NKAIN3: variants seen among roughly 807,000 people sequenced by gnomAD.
NKAIN3 encodes the protein sodium/potassium transporting ATPase interacting 3, also known as sodium/potassium-transporting ATPase subunit beta-1-interacting protein 3.
NKAIN3 carries 25 observed loss-of-function variants against 30.2 expected under a neutral mutation model. The observed-to-expected ratio is 0.83, with a 90% CI of 0.60 to 1.16. NKAIN3 has a LOEUF of 1.16. Ranked by LOEUF, NKAIN3 falls within the 50% of genes most tolerant of loss-of-function variation. The pLI is 0.00. For missense variants in NKAIN3, 225 were observed against 254.1 expected (o/e 0.89, Z 0.78); for synonymous variants, 91 against 89.6 (o/e 1.02, Z -0.09).
intron 1 of NKAIN3, among the ~76,000 whole-genome samples, chr8:62,380,199 A>C (rs1490031405): frequency 6.6e-6 from 1 of 152,236 alleles, no homozygotes; most frequent in African/African-American, 2.4e-5. Flanking sequence ...CTTTACTACA[A>C]GCTAGGATCC....
At chr8:62,419,538 G>T (rs1272085639) in intron 1 of NKAIN3, among the ~76,000 whole-genome samples, 1 of 152,186 alleles carries the variant, frequency 6.6e-6, no homozygotes, top group African/African-American at 2.4e-5. Context: ...TGCTGTCATA[G>T]AGAGGGCTCA....
chr8:62,922,598 G>C (rs2130862313), intron 5 of NKAIN3, among the ~76,000 whole-genome samples: 1 of 152,286 alleles, frequency 6.6e-6, no homozygotes, highest in East Asian at 1.9e-4. Context: ...ATTTGAAGGT[G>C]AGAGCAGAGG....
intron 1 of NKAIN3, among the ~76,000 whole-genome samples, chr8:62,379,642 C>G (rs1414540846): frequency 6.6e-6 from 1 of 152,124 alleles, no homozygotes; most frequent in Non-Finnish European, 1.5e-5. Context: ...TCTCTTCTGC[C>G]ATCCTGTAAA....
intron 1 of NKAIN3, among the ~76,000 whole-genome samples, chr8:62,540,794 G>A (rs1048204338): frequency 6.6e-6 from 1 of 150,804 alleles, no homozygotes; most frequent in African/African-American, 2.4e-5. Flanking sequence ...TGCATTTTTG[G>A]TTCACTCTTT....
intron 4 of NKAIN3, among the ~76,000 whole-genome samples, chr8:62,857,470 T>C (rs1433189976): frequency 6.6e-6 from 1 of 152,192 alleles, no homozygotes; most frequent in African/African-American, 2.4e-5. Flanking sequence ...TCCCTGTCTC[T>C]TTCACGTACC....
At position 62,768,115 on chromosome 8, in the gene NKAIN3, G is replaced by A. The variant is rs144380545; in HGVS notation, c.471+20986G>A. On this transcript the variant is annotated intron_variant, in intron 4 of 6. Transcript: ENST00000623646. The stretch of plus-strand genomic sequence containing the variant: ...CAGCTAATTAACCCTCTGGGCAGGC[G>A]CATCCATCATTGGACTGTTCTAAGT... Among the ~76,000 whole-genome samples the A allele has an allele frequency of 4.7e-3, 709 of 152,176 alleles. 7 individuals are homozygous for A. Among genetic ancestry groups the A allele is most frequent in the African/African-American group, 0.016 (674 of 41,522 alleles).
intron 4 of NKAIN3, among the ~76,000 whole-genome samples, chr8:62,776,577 C>T (rs993955492): frequency 6.6e-6 from 1 of 152,042 alleles, no homozygotes; most frequent in African/African-American, 2.4e-5. Flanking sequence ...AAAGAGAAAA[C>T]CAATAACAGC....
chr8:62,794,257 C>T (rs1426384901), intron 4 of NKAIN3, among the ~76,000 whole-genome samples: 2 of 152,138 alleles, frequency 1.3e-5, no homozygotes, highest in African/African-American at 2.4e-5. Context: ...ATTTTTTTAA[C>T]ATGTCCAGAT....
chr8:62,849,425 A>G (rs540726499), intron 4 of NKAIN3, among the ~76,000 whole-genome samples: 1 of 151,190 alleles, frequency 6.6e-6, no homozygotes. Context: ...CCAGGAATGT[A>G]TCCATTTCCT....
At chr8:62,323,260 C>G (rs1006506186) in intron 1 of NKAIN3, among the ~76,000 whole-genome samples, 19 of 152,044 alleles carry the variant, frequency 1.2e-4, no homozygotes, top group Non-Finnish European at 7.4e-5. Flanking sequence ...TCATAATTGC[C>G]AAAACTTAGA....
At chr8:62,599,656 G>A (rs1810933675) in intron 3 of NKAIN3, among the ~76,000 whole-genome samples, 1 of 152,062 alleles carries the variant, frequency 6.6e-6, no homozygotes, top group Non-Finnish European at 1.5e-5. Context: ...TTGTAGGACT[G>A]AGTGACTCGT....
rs575242825 is a variant in NKAIN3, at chr8:62,597,916, G to A, written c.273+8122G>A. 1.4e-3 allele frequency among the ~76,000 whole-genome samples: 206 copies of A among 151,668 alleles called. 1 individual carries two copies. Among genetic ancestry groups the A allele is most frequent in the African/African-American group, 4.7e-3 (193 of 41,374 alleles). Reference sequence around the variant, plus strand: ...TTCATTATGTTTAACTTTTAATTTAGGAAAGATTGAGAAAAATTTATGTTA... The same window carrying A: ...TTCATTATGTTTAACTTTTAATTTAAGAAAGATTGAGAAAAATTTATGTTA... On this transcript the variant is annotated intron_variant, in intron 3 of 6. Coordinates refer to ENST00000623646, the MANE Select transcript of NKAIN3 (RefSeq NM_001304533.3).
intron 4 of NKAIN3, among the ~76,000 whole-genome samples, chr8:62,820,570 G>C (rs1193932584): frequency 6.6e-6 from 1 of 151,318 alleles, no homozygotes; most frequent in Admixed American, 6.6e-5. Flanking sequence ...ATGGCTGGAG[G>C]CTAGCTGTCC....
intron 1 of NKAIN3, among the ~76,000 whole-genome samples, chr8:62,474,435 G>A (rs1200001824): frequency 6.6e-6 from 1 of 152,110 alleles, no homozygotes; most frequent in Non-Finnish European, 1.5e-5. Context: ...TGAATCTGAA[G>A]GAGCCTACTA....
rs577532096 is a variant in NKAIN3 at position 62,427,258 on chromosome 8, A to G, written c.55-152281A>G. 5.3e-5 allele frequency among the ~76,000 whole-genome samples: 8 copies of G among 152,122 alleles called. No homozygotes were observed. In the South Asian group the frequency reaches 1.5e-3, roughly 28 times the overall value. ...TTATGGCATTGAAACAAAATATTACAAGAGACTCAAAAACTGGAAGTATTC... is the reference window on the plus strand; with the variant it reads ...TTATGGCATTGAAACAAAATATTACGAGAGACTCAAAAACTGGAAGTATTC... On this transcript the variant is annotated intron_variant, in intron 1 of 6. Transcript: ENST00000623646.
At chr8:62,567,651 G>C (rs371037787) in intron 1 of NKAIN3, among the ~76,000 whole-genome samples, 2 of 152,026 alleles carry the variant, frequency 1.3e-5, no homozygotes, top group African/African-American at 4.8e-5. Flanking sequence ...TGGCTTTGAA[G>C]ATAGTGGAAG....
At chr8:62,505,160 G>A (rs1807590958) in intron 1 of NKAIN3, among the ~76,000 whole-genome samples, 1 of 152,188 alleles carries the variant, frequency 6.6e-6, no homozygotes, top group Admixed American at 6.5e-5. Context: ...ACAGCAATAA[G>A]GGCAATTACT....
At chr8:62,656,337 T>C (rs1003953951) in intron 3 of NKAIN3, among the ~76,000 whole-genome samples, 11 of 152,100 alleles carry the variant, frequency 7.2e-5, no homozygotes, top group Admixed American at 3.3e-4. Context: ...ACTTCATACA[T>C]CAGGAAACAT....
At chr8:62,615,035 T>G (rs1811408978) in intron 3 of NKAIN3, among the ~76,000 whole-genome samples, 1 of 152,090 alleles carries the variant, frequency 6.6e-6, no homozygotes, top group African/African-American at 2.4e-5. Context: ...CAAAGTCCCC[T>G]TTACTTTTCC....
Sources: allele counts gnomAD v4.1 joint callset (sites outside exome capture counted in the v4.1 genomes callset), GRCh38; gene constraint gnomAD v4.1.1; transcripts MANE v1.5; gene names NCBI Gene and HGNC (gene_info 2026-07-23, HGNC 2026-07-21).